Variants in GLRA3 observed in about 807,000 individuals in gnomAD.
The protein encoded by GLRA3 is glycine receptor subunit alpha-3.
A neutral mutation model predicts 60.4 loss-of-function variants in GLRA3; 44 were observed. The observed-to-expected ratio is 0.73, with a 90% confidence interval of 0.57 to 0.94. GLRA3 has a LOEUF of 0.94. Among genes scored for constraint, GLRA3 ranks in the 40% least tolerant of loss-of-function variants. The probability of loss-of-function intolerance (pLI) is 0.00; values close to 1 mark genes in which losing one functional copy is unlikely to be tolerated. For synonymous variants in GLRA3, 223 were observed against 192.9 expected (o/e 1.16, Z -1.29); for missense variants, 508 against 564.6 (o/e 0.90, Z 1.02).
chr4:174,789,746 C>A (rs1181785077), intron 1 of GLRA3, among the ~76,000 whole-genome samples: 1 of 152,180 alleles, frequency 6.6e-6, no homozygotes, highest in East Asian at 1.9e-4. Flanking sequence ...CTGGGGCCTG[C>A]TTGTTAAGAT....
chr4:174,702,485 A>G (rs575486641), intron 5 of GLRA3, among the ~76,000 whole-genome samples: 3 of 152,278 alleles, frequency 2.0e-5, no homozygotes, highest in African/African-American at 7.2e-5. Context: ...ATATTCAAAT[A>G]TATTCCCTCA....
At chr4:174,729,928 C>T (rs1459866903) in intron 3 of GLRA3, among the ~76,000 whole-genome samples, 1 of 152,094 alleles carries the variant, frequency 6.6e-6, no homozygotes, top group Non-Finnish European at 1.5e-5. Context: ...AGGTAGATTG[C>T]TTATGTTATT....
At chr4:174,706,006 G>T (rs1735500126) in intron 5 of GLRA3, among the ~76,000 whole-genome samples, 1 of 152,078 alleles carries the variant, frequency 6.6e-6, no homozygotes, top group Non-Finnish European at 1.5e-5. Flanking sequence ...CAAGGTGGGT[G>T]GATCACAAGG....
intron 1 of GLRA3, among the ~76,000 whole-genome samples, chr4:174,791,445 A>G (rs1739342250): frequency 6.6e-6 from 1 of 152,146 alleles, no homozygotes; most frequent in African/African-American, 2.4e-5. Flanking sequence ...TCTTTGTGGT[A>G]ATTTGCTACA....
chr4:174,791,080 G>A (rs1397754903), intron 1 of GLRA3, among the ~76,000 whole-genome samples: 3 of 151,202 alleles, frequency 2.0e-5, no homozygotes, highest in Admixed American at 6.6e-5. Context: ...ATGTGGGAAC[G>A]TTATCCTAGA....
chr4:174,762,695 AT>A (rs1737986169), intron 3 of GLRA3, among the ~76,000 whole-genome samples: 1 of 152,170 alleles, frequency 6.6e-6, no homozygotes, highest in Non-Finnish European at 1.5e-5. Flanking sequence ...TAAATTTTAA[AT>A]TTGTGAAGGT....
At chr4:174,720,770 G>A (rs1158858441) in intron 4 of GLRA3, among the ~76,000 whole-genome samples, 9 of 152,138 alleles carry the variant, frequency 5.9e-5, no homozygotes, top group Non-Finnish European at 1.3e-4. Flanking sequence ...AGAGTTAAAT[G>A]TACATGGAGT....
intron 4 of GLRA3, among the ~76,000 whole-genome samples, chr4:174,720,329 G>A (rs1736085025): frequency 6.6e-6 from 1 of 152,142 alleles, no homozygotes; most frequent in South Asian, 2.1e-4. Flanking sequence ...TAAAAAAACA[G>A]AACGTATACT....
intron 2 of GLRA3, among the ~76,000 whole-genome samples, chr4:174,774,121 C>T (rs1057345112): frequency 3.9e-5 from 5 of 128,630 alleles, no homozygotes; most frequent in African/African-American, 5.7e-5. Flanking sequence ...CCCACCAGGC[C>T]AAGGAAGGTA....
At chr4:174,648,873 T>A (rs886398962) in intron 9 of GLRA3, among the ~76,000 whole-genome samples, 4 of 152,096 alleles carry the variant, frequency 2.6e-5, no homozygotes, top group Admixed American at 6.5e-5. Flanking sequence ...ATTGACAGGA[T>A]TTCTGTGAAC....
intron 9 of GLRA3, among the ~76,000 whole-genome samples, chr4:174,646,027 G>A (rs1435595359): frequency 6.6e-6 from 1 of 152,108 alleles, no homozygotes; most frequent in Non-Finnish European, 1.5e-5. Flanking sequence ...TATAAAATAG[G>A]CTTTTAAACT....
chr4:174,826,718 A>T (rs951862004), intron 1 of GLRA3, among the ~76,000 whole-genome samples: 2 of 152,178 alleles, frequency 1.3e-5, no homozygotes, highest in South Asian at 4.1e-4. Context: ...TTTGAAATTT[A>T]AAAATATGTT....
rs1732601975 is a variant in GLRA3 at position 174,640,573 on chromosome 4, T to TA, written c.*3212dup. ...CATCTAAATCTTTTTTCAAATATTATAACTACTTAAGTTGCACTGAGTACT... is the reference window on the plus strand; with the variant it reads ...CATCTAAATCTTTTTTCAAATATTATAAACTACTTAAGTTGCACTGAGTACT... On this transcript the variant is annotated 3_prime_UTR_variant, in exon 10 of 10. Transcript: ENST00000274093. 1 of 152,128 alleles carries TA rather than the reference T, an allele frequency of 6.6e-6. No individual in the cohort carries two copies. The highest frequency in any genetic ancestry group is 2.4e-5 in the African/African-American group (1 of 41,460). The allele number at this position is 152,128 out of a possible 1,614,324, so 9.4% of individuals were successfully genotyped here.
chr4:174,803,880 G>C (rs1010913287), intron 1 of GLRA3, among the ~76,000 whole-genome samples: 2 of 152,114 alleles, frequency 1.3e-5, no homozygotes, highest in African/African-American at 4.8e-5. Context: ...TTCAACTCCT[G>C]GTTGAAATTG....
rs1342060833 is a variant in GLRA3, at chr4:174,778,422, A to T, written c.199+10394T>A. On this transcript the variant is annotated intron_variant, in intron 2 of 9. Coordinates refer to ENST00000274093, the MANE Select transcript of GLRA3 (RefSeq NM_006529.4). ...CATGGGATAAAACAATAACAAGCTA[A>T]CCAGATCTGATGTGAGGTTGGTAAA... 8.5e-5 allele frequency among the ~76,000 whole-genome samples: 13 copies of T among 152,198 alleles called. No homozygotes were observed. In the South Asian group the frequency reaches 2.7e-3, roughly 32 times the overall value.
At chr4:174,760,170 A>G (rs1429064646) in intron 3 of GLRA3, among the ~76,000 whole-genome samples, 2 of 152,196 alleles carry the variant, frequency 1.3e-5, no homozygotes, top group African/African-American at 2.4e-5. Flanking sequence ...AAAATATATT[A>G]AGAAGCATTT....
intron 2 of GLRA3, among the ~76,000 whole-genome samples, chr4:174,774,177 A>G (rs989085824): frequency 1.3e-5 from 2 of 152,188 alleles, no homozygotes; most frequent in Non-Finnish European, 2.9e-5. Flanking sequence ...GATTCATTAC[A>G]TATTGATTAA....
At chr4:174,673,261 A>C (rs955561489) in intron 7 of GLRA3, among the ~76,000 whole-genome samples, 1 of 152,118 alleles carries the variant, frequency 6.6e-6, no homozygotes, top group Non-Finnish European at 1.5e-5. Flanking sequence ...TTACAAATTA[A>C]AATTATATTT....
chr4:174,715,912 A>G (rs890886786), intron 4 of GLRA3, among the ~76,000 whole-genome samples: 1 of 152,214 alleles, frequency 6.6e-6, no homozygotes, highest in African/African-American at 2.4e-5. Flanking sequence ...TCAATTAGAA[A>G]GGGCTGTGGA....
Sources: gnomAD v4.1 joint callset for allele counts (sites outside exome capture counted in the v4.1 genomes callset) on GRCh38, gnomAD v4.1.1 for gene constraint, MANE v1.5 for transcripts, NCBI Gene and HGNC (gene_info 2026-07-23, HGNC 2026-07-21) for gene names.